The following SAP130 variants were observed in gnomAD, a reference collection of about 807,000 sequenced individuals.
SAP130 encodes the protein histone deacetylase complex subunit SAP130.
A neutral mutation model predicts 103.2 loss-of-function variants in SAP130; 16 were observed. That is an observed-to-expected ratio of 0.16 (90% CI 0.10 to 0.24). The LOEUF (loss-of-function observed/expected upper bound fraction) is 0.24, where lower values mean the gene tolerates loss of function less well. Among genes scored for constraint, SAP130 ranks in the 10% least tolerant of loss-of-function variants. SAP130 has a pLI of 1.00. For missense variants in SAP130, 990 were observed against 1,359.7 expected, an observed-to-expected ratio of 0.73 and a Z score of 4.28; for synonymous variants, 477 against 497.0, an observed-to-expected ratio of 0.96 and a Z score of 0.53.
rs191674515 is a variant in SAP130, at chr2:128,014,753, A to G, written c.619+50T>C. The G allele has an allele frequency of 1.1e-4, 139 of 1,282,108 alleles. 1 individual carries two copies. The highest frequency in any genetic ancestry group is 1.0e-3 in the Admixed American group (60 of 58,992). 79.4% of individuals were successfully genotyped at this position (1,282,108 alleles called of 1,614,324 possible). On this transcript the variant is annotated intron_variant, in intron 5 of 20. Transcript: ENST00000643581. ...CTGTGTTACGTATTTTACCAAATGT[A>G]TATCTACTACTACATTTTGAGAGTT...
intron 7 of SAP130, among the ~76,000 whole-genome samples, chr2:128,004,511 G>T (rs10189478): frequency 2.0e-5 from 3 of 151,740 alleles, no homozygotes; most frequent in Non-Finnish European, 1.5e-5. Context: ...CCAGCCTGAA[G>T]AGAGAATTTC....
chr2:127,976,634 G>A (rs994215353), intron 15 of SAP130, among the ~76,000 whole-genome samples: 4 of 152,318 alleles, frequency 2.6e-5, no homozygotes, highest in Non-Finnish European at 4.4e-5. Flanking sequence ...AACTGGGGCC[G>A]GGCACGGTGG....
At position 127,993,130 on chromosome 2, in the gene SAP130, C is replaced by A. The variant is rs1306840875; in HGVS notation, c.1477+57G>T. ...AAAAATAACCCCTCATCAATTTCTA[C>A]ATTATTGTTGGCAAAAGTTAAACTG... On this transcript the variant is annotated intron_variant, in intron 12 of 20. Transcript: ENST00000643581. 6.9e-6 allele frequency: 11 copies of A among 1,595,560 alleles called. No homozygotes were observed. In the East Asian group the frequency reaches 2.2e-4, roughly 33 times the overall value.
chr2:128,013,036 T>C lies in SAP130; in HGVS notation c.738A>G (p.Pro246=). The change falls in exon 6 of 21, where the codon CCA becomes CCG. Residue 246 remains proline, a synonymous_variant. Coordinates refer to ENST00000643581, the MANE Select transcript of SAP130 (RefSeq NM_001330301.2). ...ACCCCAGGCTCCGACGTGCCTGGAT[T>C]GGTTGGTGAATGATGTGCTGTACTG... ...QPAVQHIIHQ[P]IQSRPPVTTS... is the part of the protein sequence containing the mutation. 6.2e-7 allele frequency: 1 copy of C among 1,608,716 alleles called. No homozygotes were observed. The highest frequency in any genetic ancestry group is 8.5e-7 in the Non-Finnish European group (1 of 1,177,500).
intron 18 of SAP130, among the ~76,000 whole-genome samples, chr2:127,948,328 G>GGT (rs1679257779): frequency 2.0e-5 from 2 of 101,544 alleles, no homozygotes; most frequent in African/African-American, 7.4e-5. Context: ...TTTCCTGTGA[G>GGT]TTTTTTTTTT....
chr2:127,996,463 G>A lies in SAP130; in HGVS notation c.1242C>T (p.His414=), dbSNP rs772073635. Residue 414 remains histidine, a synonymous_variant, in exon 11 of 21, where the codon CAC becomes CAT. Transcript: ENST00000643581. The surrounding 1 kb of genome is among the most constrained non-coding windows in gnomAD (Gnocchi z 4.3). ...AGTCTGGCTGGATCCGAGGAGAAGT[G>A]TGCGTGATCTGCTGGGGCACCACCT... ...VAKVVPQQIT[H]TSPRIQPDYP... The A allele has an allele frequency of 2.5e-6, 4 of 1,591,080 alleles. No homozygotes were observed. The African/African-American group carries it at 5.4e-5, about 22-fold the overall frequency.
At chr2:127,999,092 G>C (rs1683367107) in intron 10 of SAP130, among the ~76,000 whole-genome samples, 1 of 152,232 alleles carries the variant, frequency 6.6e-6, no homozygotes, top group African/African-American at 2.4e-5. Context: ...ATGGTGAGCA[G>C]TGATGCAGAA....
At chr2:127,943,492 T>C (rs1424460987) in intron 19 of SAP130, among the ~76,000 whole-genome samples, 2 of 152,234 alleles carry the variant, frequency 1.3e-5, no homozygotes, top group African/African-American at 2.4e-5. Context: ...CAAACCTAGA[T>C]GTTATGAACT....
Position 127,941,796 on chromosome 2 carries a change from T to C in SAP130, c.*210A>G. 1 of 556,086 alleles carries C rather than the reference T, an allele frequency of 1.8e-6. No individual in the cohort carries two copies. Among genetic ancestry groups the C allele is most frequent in the South Asian group, 2.4e-5 (1 of 41,656 alleles). 34.4% of individuals were successfully genotyped at this position (556,086 alleles called of 1,614,324 possible). ...TGACACAGATCAGGTTTAACAGGGGTGCACCCGAACGCAAGAAGGCAGCTC... is the reference window on the plus strand; with the variant it reads ...TGACACAGATCAGGTTTAACAGGGGCGCACCCGAACGCAAGAAGGCAGCTC... On this transcript the variant is annotated 3_prime_UTR_variant, in exon 21 of 21. Coordinates refer to ENST00000643581, the MANE Select transcript of SAP130 (RefSeq NM_001330301.2).
In SAP130 at chr2:127,955,134, G is replaced by C. The variant is rs114176740; in HGVS notation, c.2274C>G (p.Pro758=). 1,327 of 1,614,162 alleles carry C rather than the reference G, an allele frequency of 8.2e-4. 9 individuals are homozygous for C. In the African/African-American group the frequency reaches 0.015, roughly 19 times the overall value. ...CAATGGTGGTGATGGGTGGAGTGAT[G>C]GGGACCGCTCCAGGAATGGTTGAAA... ...VALSTIPGAV[P]ITPPITTIAA... The change falls in exon 16 of 21, where the codon CCC becomes CCG. Residue 758 remains proline, a synonymous_variant. Coordinates refer to ENST00000643581, the MANE Select transcript of SAP130 (RefSeq NM_001330301.2). The surrounding 1 kb of genome is among the most constrained non-coding windows in gnomAD (Gnocchi z 4.9).
At position 127,996,261 on chromosome 2, in the gene SAP130, C is replaced by G. The variant is rs1683168433; in HGVS notation, c.1355+89G>C. The G allele has an allele frequency of 1.1e-5, 13 of 1,184,304 alleles. No homozygotes were observed. The highest frequency in any genetic ancestry group is 1.6e-5 in the African/African-American group (1 of 63,322). 73.4% of individuals were successfully genotyped at this position (1,184,304 alleles called of 1,614,324 possible). On this transcript the variant is annotated intron_variant, in intron 11 of 20. Transcript: ENST00000643581. This position sits in a 1 kb window ranked among gnomAD's most constrained non-coding sequence, Gnocchi z 4.3. ...TGAAAACATGAGTAATAAATATAGG[C>G]CATATTTGTGGGACACTTTGTTTTA...
chr2:128,012,892 C>T (rs921307358), intron 6 of SAP130, 138 bp downstream of exon 6: 1 of 763,470 alleles, frequency 1.3e-6, no homozygotes, highest in Non-Finnish European at 1.9e-6. Context: ...CAGCTTGCCA[C>T]ATGACACTGT....
rs577667368 is a variant in SAP130, at chr2:127,990,287, G to A, written c.1478-421C>T. Among the ~76,000 whole-genome samples, 10 of 151,890 alleles carry A rather than the reference G, an allele frequency of 6.6e-5. No individual in the cohort carries two copies. The South Asian group carries it at 1.9e-3, about 28-fold the overall frequency. ...AGTAGTTATGAATTTCAAATGGCATGTATCCACCAGAAACAGAGAACAAGC... is the reference window on the plus strand; with the variant it reads ...AGTAGTTATGAATTTCAAATGGCATATATCCACCAGAAACAGAGAACAAGC... On this transcript the variant is annotated intron_variant, in intron 12 of 20. Coordinates refer to ENST00000643581, the MANE Select transcript of SAP130 (RefSeq NM_001330301.2).
intron 14 of SAP130, among the ~76,000 whole-genome samples, chr2:127,978,910 C>A (rs557218002): frequency 2.4e-4 from 37 of 152,188 alleles, no homozygotes; most frequent in African/African-American, 8.7e-4. Context: ...GAAGATAGAA[C>A]AAGTGAAATT....
intron 15 of SAP130, among the ~76,000 whole-genome samples, chr2:127,968,520 C>A (rs1680839285): frequency 6.9e-6 from 1 of 145,834 alleles, no homozygotes; most frequent in Admixed American, 6.9e-5. Context: ...AAGAGCAAAA[C>A]TCCGTCTCAA....
rs767683480 is a variant in SAP130, at chr2:128,000,470, A to T, written c.870-16T>A. On this transcript the variant is annotated splice_polypyrimidine_tract_variant and intron_variant, in intron 7 of 20. Coordinates refer to ENST00000643581, the MANE Select transcript of SAP130 (RefSeq NM_001330301.2). ...GGTTGGCCTACTGAAAAGATAACAA[A>T]GACACAATGCAGATGGGCAAGGTCA... 1 of 1,614,038 alleles carries T rather than the reference A, an allele frequency of 6.2e-7. No homozygotes were observed. Among genetic ancestry groups the T allele is most frequent in the South Asian group, 1.1e-5 (1 of 91,066 alleles).
intron 15 of SAP130, among the ~76,000 whole-genome samples, chr2:127,967,009 T>C (rs1392048779): frequency 1.3e-5 from 2 of 152,160 alleles, no homozygotes; most frequent in African/African-American, 2.4e-5. Flanking sequence ...AAAAGAAAGC[T>C]ACGGGCCTAT....
At chr2:127,964,231 C>T (rs572161997) in intron 15 of SAP130, among the ~76,000 whole-genome samples, 5 of 152,168 alleles carry the variant, frequency 3.3e-5, no homozygotes, top group Non-Finnish European at 4.4e-5. Context: ...CAGTGGCTCA[C>T]GCCTGTAATC....
intron 15 of SAP130, among the ~76,000 whole-genome samples, chr2:127,963,565 A>G (rs1680413807): frequency 6.6e-6 from 1 of 152,074 alleles, no homozygotes; most frequent in Non-Finnish European, 1.5e-5. Flanking sequence ...CTTTTTATAG[A>G]TTCTGAATTT....
Sources: allele counts gnomAD v4.1 joint callset (sites outside exome capture counted in the v4.1 genomes callset), GRCh38; gene constraint gnomAD v4.1.1; non-coding constraint Gnocchi (gnomAD v3.1); transcripts MANE v1.5; gene names NCBI Gene and HGNC (gene_info 2026-07-23, HGNC 2026-07-21).